STX8: variants seen among roughly 807,000 people sequenced by gnomAD.
STX8 encodes syntaxin-8.
STX8 carries 23 observed loss-of-function variants against 37.5 expected under a neutral mutation model. That is an observed-to-expected ratio of 0.61 (90% CI 0.44 to 0.87). The LOEUF (loss-of-function observed/expected upper bound fraction) is 0.87, where lower values mean the gene tolerates loss of function less well. Ranked by LOEUF, STX8 falls within the 40% of genes least tolerant of loss-of-function variation. STX8 has a pLI of 0.00. For missense variants in STX8, 313 were observed against 284.7 expected (o/e 1.10, Z -0.71); for synonymous variants, 115 against 99.1 (o/e 1.16, Z -0.95).
At chr17:9,334,264 T>A (rs1910069810) in intron 7 of STX8, among the ~76,000 whole-genome samples, 1 of 151,938 alleles carries the variant, frequency 6.6e-6, no homozygotes, top group South Asian at 2.1e-4. Flanking sequence ...GTAGGAGCAG[T>A]TTAGGGAGGG....
chr17:9,386,610 T>C (rs930248529), intron 6 of STX8, among the ~76,000 whole-genome samples: 6 of 151,966 alleles, frequency 3.9e-5, no homozygotes, highest in African/African-American at 1.2e-4. Flanking sequence ...ACAAAACAAA[T>C]GCCTTAGAAT....
intron 7 of STX8, among the ~76,000 whole-genome samples, chr17:9,315,221 A>G (rs1166194489): frequency 6.6e-6 from 1 of 151,336 alleles, no homozygotes; most frequent in Non-Finnish European, 1.5e-5. Flanking sequence ...GAAGTCAGAC[A>G]CCTCATTATA....
chr17:9,537,945 G>A (rs185874562), intron 4 of STX8, among the ~76,000 whole-genome samples: 79 of 152,224 alleles, frequency 5.2e-4, no homozygotes, highest in Non-Finnish European at 8.7e-4. Flanking sequence ...TGGCTCAACT[G>A]CAAAAAGTAG....
chr17:9,260,421 T>C (rs1161952066), intron 7 of STX8, among the ~76,000 whole-genome samples: 1 of 152,098 alleles, frequency 6.6e-6, no homozygotes, highest in African/African-American at 2.4e-5. Context: ...GCCGGGAGTT[T>C]GAGACCAGCC....
At chr17:9,421,411 AATT>A (rs1291579579) in intron 6 of STX8, among the ~76,000 whole-genome samples, 9 of 129,950 alleles carry the variant, frequency 6.9e-5, no homozygotes, top group African/African-American at 3.5e-4. Context: ...AAAAAAAAAA[AATT>A]TTTTTTTTTT....
intron 7 of STX8, among the ~76,000 whole-genome samples, chr17:9,261,348 T>C (rs1907026444): frequency 6.6e-6 from 1 of 152,176 alleles, no homozygotes; most frequent in Admixed American, 6.5e-5. Context: ...CCCAAGAGAC[T>C]TAGACTCACC....
chr17:9,429,627 C>T (rs1248132461), intron 6 of STX8, among the ~76,000 whole-genome samples: 1 of 133,680 alleles, frequency 7.5e-6, no homozygotes, highest in Non-Finnish European at 1.5e-5. Context: ...GGCGTGAACC[C>T]AGGAGGCGGA....
intron 4 of STX8, among the ~76,000 whole-genome samples, chr17:9,529,747 G>A (rs959292345): frequency 2.6e-5 from 4 of 152,176 alleles, no homozygotes; most frequent in Admixed American, 2.0e-4. Context: ...TTTGCTGTGT[G>A]ACATCATTGT....
At chr17:9,430,093 A>G (rs1306289595) in intron 6 of STX8, among the ~76,000 whole-genome samples, 2 of 76,180 alleles carry the variant, frequency 2.6e-5, no homozygotes, top group South Asian at 3.8e-4. Context: ...TATATTCTAT[A>G]TAATATATAT....
intron 7 of STX8, among the ~76,000 whole-genome samples, chr17:9,361,918 C>T (rs1911075134): frequency 6.6e-6 from 1 of 152,220 alleles, no homozygotes; most frequent in Admixed American, 6.5e-5. Context: ...CGCACGCCTC[C>T]ATTTGATTCA....
At chr17:9,295,692 A>G (rs1908493206) in intron 7 of STX8, among the ~76,000 whole-genome samples, 1 of 151,518 alleles carries the variant, frequency 6.6e-6, no homozygotes, top group African/African-American at 2.4e-5. Context: ...GCAGTGAGCC[A>G]AGATCGCGCC....
chr17:9,505,001 A>G (rs756282214), intron 5 of STX8, 37 bp downstream of exon 5: 33 of 1,504,444 alleles, frequency 2.2e-5, no homozygotes, highest in African/African-American at 1.5e-5. Context: ...AATTCTGGCA[A>G]GGTTTCTGAG....
intron 6 of STX8, among the ~76,000 whole-genome samples, chr17:9,443,771 T>C (rs1390012017): frequency 6.6e-6 from 1 of 152,196 alleles, no homozygotes; most frequent in Non-Finnish European, 1.5e-5. Flanking sequence ...CTACCATAGG[T>C]GCAAAACATT....
chr17:9,324,122 T>A (rs944475229), intron 7 of STX8, among the ~76,000 whole-genome samples: 1,412 of 132,798 alleles, frequency 0.011, 24 homozygotes, highest in African/African-American at 0.039. Flanking sequence ...TCTCTCTCTC[T>A]CTCTCACACA....
chr17:9,547,281 A>C (rs1439942663), intron 3 of STX8: 1 of 150,238 alleles, frequency 6.7e-6, no homozygotes, highest in African/African-American at 2.5e-5. Context: ...AAAGAAACAC[A>C]GTAAAGGATA....
At chr17:9,441,728 T>G (rs1260471602) in intron 6 of STX8, among the ~76,000 whole-genome samples, 1 of 134,716 alleles carries the variant, frequency 7.4e-6, no homozygotes, top group African/African-American at 2.8e-5. Context: ...AAGGCTGGAG[T>G]GCAGTGGCGC....
At chr17:9,515,492 T>TTCTCTCTCTC (rs142393139) in intron 4 of STX8, among the ~76,000 whole-genome samples, 28 of 149,736 alleles carry the variant, frequency 1.9e-4, no homozygotes, top group African/African-American at 6.9e-4. Context: ...TTTGAAGTCT[T>TTCTCTCTCTC]TCTCTCTCTC....
At chr17:9,483,427 G>A (rs537090587) in intron 6 of STX8, among the ~76,000 whole-genome samples, 14 of 152,238 alleles carry the variant, frequency 9.2e-5, no homozygotes, top group African/African-American at 3.1e-4. Context: ...TCTACCCACC[G>A]TGGCAATCTG....
intron 2 of STX8, among the ~76,000 whole-genome samples, chr17:9,558,077 CTT>C (rs1907051331): frequency 6.6e-6 from 1 of 152,188 alleles, no homozygotes. Flanking sequence ...ACACATGACT[CTT>C]TTCCCAGGAG....
Sources: allele counts gnomAD v4.1 joint callset (sites outside exome capture counted in the v4.1 genomes callset), GRCh38; gene constraint gnomAD v4.1.1; transcripts MANE v1.5; gene names NCBI Gene and HGNC (gene_info 2026-07-23, HGNC 2026-07-21).